KIFC2: variants seen among roughly 807,000 people sequenced by gnomAD.
The protein encoded by KIFC2 is kinesin family member C2.
In KIFC2, 94 loss-of-function variants were observed where a neutral mutation model predicts 91.5. That is an observed-to-expected ratio of 1.03 (90% confidence interval 0.87 to 1.22). KIFC2 has a LOEUF of 1.22. Among genes scored for constraint, KIFC2 ranks in the 50% most tolerant of loss-of-function variants. KIFC2 has a pLI of 0.00. For synonymous variants in KIFC2, 729 were observed against 503.9 expected (o/e 1.45, Z -5.98); for missense variants, 1,357 against 1,103.3 (o/e 1.23, Z -3.26).
At position 144,473,386 on chromosome 8, in the gene KIFC2, C is replaced by T. The variant is rs543626375; in HGVS notation, c.2373C>T (p.Leu791=). ...TCGCGCCCGCAGAGGGCCTGCCCCT[C>T]TAGTCCTGGGTCGCGGCCCTGCCCA... is the stretch of plus-strand genomic sequence containing the variant. ...SALAPAEGLP[L] Residue 791 remains leucine (L), a synonymous_variant, in exon 18 of 18, where the codon CTC becomes CTT. Transcript: ENST00000645548. 17 of 1,578,276 alleles carry T rather than the reference C, an allele frequency of 1.1e-5. No homozygotes were observed. Among genetic ancestry groups the T allele is most frequent in the Non-Finnish European group, 1.4e-5 (16 of 1,167,052 alleles).
At chr8:144,468,057 G>A in intron 7 of KIFC2, 70 bp downstream of exon 7, 1 of 1,464,930 alleles carries the variant, frequency 6.8e-7, no homozygotes, top group Non-Finnish European at 9.0e-7. Flanking sequence ...GCAGCCACAG[G>A]GCCCGAGCCT....
intron 12 of KIFC2, chr8:144,470,498 A>G (rs1214959140): frequency 6.6e-6 from 1 of 152,316 alleles, no homozygotes; most frequent in Non-Finnish European, 1.5e-5. Context: ...TGTCATCCTC[A>G]GTGCCACCTC....
chr8:144,468,136 C>G lies in KIFC2; in HGVS notation c.810+149C>G, dbSNP rs371674657. The G allele has an allele frequency of 9.6e-6, 11 of 1,149,648 alleles. No individual in the cohort carries two copies. The African/African-American group carries it at 1.6e-4, about 16-fold the overall frequency. 71.2% of individuals were successfully genotyped at this position (1,149,648 alleles called of 1,614,324 possible). A position where few individuals can be genotyped will look rare whatever the true frequency, so the allele number is the denominator to read the frequency against. ...GGGAGGCTGATGCCAATGGGAAGACCCCCCTCTCCGTGGCCCCTCTGAGTG... is the reference window on the plus strand; with the variant it reads ...GGGAGGCTGATGCCAATGGGAAGACGCCCCTCTCCGTGGCCCCTCTGAGTG... On this transcript the variant is annotated intron_variant, in intron 7 of 17. Coordinates refer to ENST00000645548, the MANE Select transcript of KIFC2 (RefSeq NM_001369769.2).
chr8:144,467,954 C>G lies in KIFC2; in HGVS notation c.777C>G (p.His259Gln), dbSNP rs374282669. 7 of 1,594,262 alleles carry G rather than the reference C, an allele frequency of 4.4e-6. No homozygotes were observed. The South Asian group carries it at 7.9e-5, about 18-fold the overall frequency. ...GTCTCATGCGGGACCTCCTGCTGCA[C>G]TGGGGCCCCGGGCCCCCCATCAGGG... is the stretch of plus-strand genomic sequence containing the variant. Reference protein sequence around the residue: ...SLSLMRDLLLHWGPGPPIRAP... With the variant: ...SLSLMRDLLLQWGPGPPIRAP... Residue 259 changes from histidine to glutamine, a missense_variant, in exon 7 of 18, where the codon CAC (histidine) becomes CAG (glutamine). Transcript: ENST00000645548.
Position 144,467,985 on chromosome 8 carries a change from C to T in KIFC2, c.808C>T (p.Gln270Ter). The change falls in exon 7 of 18, where the codon CAG becomes TAG. Residue 270 changes from glutamine to a stop codon, truncating the protein, a stop_gained and splice_region_variant. Transcript: ENST00000645548. LOFTEE classifies it high-confidence loss of function. Reference sequence around the variant, plus strand: ...CCCCGGGCCCCCCATCAGGGCTCCGCAGGTACTCTGCTCCCGAGCTGCAGC... The same window carrying T: ...CCCCGGGCCCCCCATCAGGGCTCCGTAGGTACTCTGCTCCCGAGCTGCAGC... ...WGPGPPIRAPQEEAEALLELQ... is the reference protein window; with the variant it reads ...WGPGPPIRAP 1 of 1,552,484 alleles carries T rather than the reference C, an allele frequency of 6.4e-7. No individual in the cohort carries two copies. Among genetic ancestry groups the T allele is most frequent in the Non-Finnish European group, 8.6e-7 (1 of 1,156,234 alleles).
chr8:144,473,046 C>T lies in KIFC2; in HGVS notation c.2113C>T (p.Leu705=). 2 of 1,421,736 alleles carry T rather than the reference C, an allele frequency of 1.4e-6. No homozygotes were observed. The highest frequency in any genetic ancestry group is 1.8e-6 in the Non-Finnish European group (2 of 1,094,450). The allele number at this position is 1,421,736 out of a possible 1,614,324, so 88.1% of individuals were successfully genotyped here. ...CCCAGGCACCACCGCGGTGCTGCTG[C>T]TGCAGGTGGGCGCCGGGGCGGGGCA... ...LGPGTTAVLL[L]QISTRPEDLG... Residue 705 remains leucine (L), a synonymous_variant, in exon 17 of 18, where the codon CTG becomes TTG. Coordinates refer to ENST00000645548, the MANE Select transcript of KIFC2 (RefSeq NM_001369769.2).
rs201640067 is a variant in KIFC2 at position 144,467,470 on chromosome 8, C to T, written c.470-15C>T. On this transcript the variant is annotated splice_polypyrimidine_tract_variant and intron_variant, in intron 4 of 17. Coordinates refer to ENST00000645548, the MANE Select transcript of KIFC2 (RefSeq NM_001369769.2). ...AGAGACCTCTTCAGTGCTAACTGGG[C>T]CCACCCTACTCCAGGATCCACATCC... The T allele has an allele frequency of 1.9e-4, 302 of 1,551,258 alleles. No homozygotes were observed. In the African/African-American group the frequency reaches 3.2e-3, roughly 16 times the overall value.
chr8:144,468,104 C>T, intron 7 of KIFC2, 117 bp downstream of exon 7: 1 of 1,337,726 alleles, frequency 7.5e-7, no homozygotes, highest in South Asian at 1.5e-5. Context: ...GTAGGGCAGC[C>T]CCATCAGGGA....
rs767964206 is a variant in KIFC2 at position 144,467,515 on chromosome 8, A to G, written c.500A>G (p.His167Arg). Residue 167 changes from histidine to arginine, a missense_variant, in exon 5 of 18, where the codon CAC (histidine) becomes CGC (arginine). His to Arg is a conservative substitution (Grantham distance 29). Coordinates refer to ENST00000645548, the MANE Select transcript of KIFC2 (RefSeq NM_001369769.2). ...ACATCCCAAGAAGAAAGCCCTTCCCACTTCACCGCAGTCCCAGGCGAGCCA... is the reference window on the plus strand; with the variant it reads ...ACATCCCAAGAAGAAAGCCCTTCCCGCTTCACCGCAGTCCCAGGCGAGCCA... ...GSTSQEESPS[H>R]FTAVPGEPLG... 1.9e-6 allele frequency: 3 copies of G among 1,589,666 alleles called. No individual in the cohort carries two copies. The highest frequency in any genetic ancestry group is 1.1e-5 in the South Asian group (1 of 87,204).
chr8:144,468,253 C>T (rs946744033), intron 7 of KIFC2, 76 bp from the exon 8 acceptor site: 14 of 1,370,408 alleles, frequency 1.0e-5, no homozygotes, highest in African/African-American at 5.7e-5. Flanking sequence ...CACCTCTTGA[C>T]TTGACTTTCC....
In KIFC2 at chr8:144,473,587, G is replaced by A; in HGVS notation, c.*198G>A. On this transcript the variant is annotated 3_prime_UTR_variant, in exon 18 of 18. Coordinates refer to ENST00000645548, the MANE Select transcript of KIFC2 (RefSeq NM_001369769.2). ...GTGCCTGCTGAAGTGATCACCCCCC[G>A]CCCCCAGCCCTGCATCAGGCCACAG... The A allele has an allele frequency of 1.4e-6, 1 of 699,324 alleles. No homozygotes were observed. The highest frequency in any genetic ancestry group is 2.4e-5 in the South Asian group (1 of 40,898). The allele number at this position is 699,324 out of a possible 1,614,324, so 43.3% of individuals were successfully genotyped here.
rs201279472 is a variant in KIFC2 at position 144,467,330 on chromosome 8, C to T, written c.458C>T (p.Pro153Leu). Residue 153 changes from proline (P) to leucine (L), a missense_variant, in exon 4 of 18, where the codon CCC becomes CTC. By Grantham distance (98) the Pro-to-Leu change is moderately conservative. Transcript: ENST00000645548. ...GTQPAPRVRP[P>L]SPDGSTSQEE... ...CAGCCAGCCCCTCGGGTCCGGCCCC[C>T]CTCTCCAGATGGTGAGTAAAGGACA... is the stretch of plus-strand genomic sequence containing the variant. The T allele has an allele frequency of 3.1e-6, 5 of 1,607,906 alleles. No individual in the cohort carries two copies. Among genetic ancestry groups the T allele is most frequent in the South Asian group, 1.1e-5 (1 of 90,384 alleles).
At chr8:144,468,897 G>A in intron 10 of KIFC2, 63 bp downstream of exon 10, 3 of 1,398,602 alleles carry the variant, frequency 2.1e-6, no homozygotes, top group South Asian at 1.2e-5. Context: ...TCTTTTGACG[G>A]GGGCGTTCCT....
At position 144,467,976 on chromosome 8, in the gene KIFC2, A is replaced by C. The variant is rs781556262; in HGVS notation, c.799A>C (p.Arg267=). The C allele has an allele frequency of 1.1e-5, 17 of 1,564,834 alleles. No individual in the cohort carries two copies. Among genetic ancestry groups the C allele is most frequent in the Non-Finnish European group, 1.5e-5 (17 of 1,161,762 alleles). ...GCACTGGGGCCCCGGGCCCCCCATC[A>C]GGGCTCCGCAGGTACTCTGCTCCCG... ...LLHWGPGPPI[R]APQEEAEALL... The change falls in exon 7 of 18, where the codon AGG becomes CGG. Residue 267 remains arginine, a synonymous_variant. Coordinates refer to ENST00000645548, the MANE Select transcript of KIFC2 (RefSeq NM_001369769.2).
At position 144,467,883 on chromosome 8, in the gene KIFC2, G is replaced by A; in HGVS notation, c.706G>A (p.Val236Ile). 1 of 1,613,452 alleles carries A rather than the reference G, an allele frequency of 6.2e-7. No homozygotes were observed. Among genetic ancestry groups the A allele is most frequent in the Non-Finnish European group, 8.5e-7 (1 of 1,179,796 alleles). The change falls in exon 7 of 18, where the codon GTT becomes ATT. Residue 236 changes from valine to isoleucine, a missense_variant. Physicochemically the swap from Val to Ile is conservative, Grantham distance 29. Transcript: ENST00000645548. ...GVGATDSEKRVQHLTLENEAL... is the reference protein window; with the variant it reads ...GVGATDSEKRIQHLTLENEAL... ...GGGGGCGACGGACTCAGAGAAAAGG[G>A]TTCAGCATCTGACTCTGGAGAACGA...
chr8:144,472,476 T>C lies in KIFC2; in HGVS notation c.1723T>C (p.Leu575=), dbSNP rs781599303. ...CTGGGACGTGCCCAACCTGGAGACA[T>C]TGCACCAGGTAGGGCTGCACCGCTC... ...THWDVPNLET[L]HQMLKLGRSN... The change falls in exon 15 of 18, where the codon TTG becomes CTG. Residue 575 remains leucine (L), a synonymous_variant. Coordinates refer to ENST00000645548, the MANE Select transcript of KIFC2 (RefSeq NM_001369769.2). 2 of 1,611,604 alleles carry C rather than the reference T, an allele frequency of 1.2e-6. No individual in the cohort carries two copies. The highest frequency in any genetic ancestry group is 1.1e-5 in the South Asian group (1 of 91,004).
intron 12 of KIFC2, among the ~76,000 whole-genome samples, chr8:144,471,152 CAG>C (rs10577372): frequency 0.46 from 69,009 of 151,580 alleles, 16,248 homozygotes; most frequent in South Asian, 0.57. Context: ...TTAGTAGAGA[CAG>C]GGGTTTCACC....
rs766229406 is a variant in KIFC2 at position 144,469,581 on chromosome 8, C to G, written c.1314C>G (p.Cys438Trp). 6.2e-7 allele frequency: 1 copy of G among 1,613,130 alleles called. No homozygotes were observed. Among genetic ancestry groups the G allele is most frequent in the Non-Finnish European group, 8.5e-7 (1 of 1,179,764 alleles). ...GCCCAGGGGGCACCGTCACCACCTG[C>G]TACCGGGGGCGCCATCGTCGATTCC... is the stretch of plus-strand genomic sequence containing the variant. ...EPGPGGTVTT[C>W]YRGRHRRFRL... The change falls in exon 12 of 18, where the codon TGC (cysteine) becomes TGG (tryptophan). Residue 438 changes from cysteine (C) to tryptophan (W), a missense_variant. Coordinates refer to ENST00000645548, the MANE Select transcript of KIFC2 (RefSeq NM_001369769.2).
chr8:144,468,720 T>G lies in KIFC2; in HGVS notation c.1004-5T>G. On this transcript the variant is annotated splice_region_variant and splice_polypyrimidine_tract_variant and intron_variant, in intron 9 of 17. Coordinates refer to ENST00000645548, the MANE Select transcript of KIFC2 (RefSeq NM_001369769.2). ...CCTTCCCTTCCAACAGACTTCCCTC[T>G]CCAGGACTTCGGGCACGGATGGCCA... The G allele has an allele frequency of 6.2e-7, 1 of 1,613,996 alleles. No homozygotes were observed. Among genetic ancestry groups the G allele is most frequent in the Non-Finnish European group, 8.5e-7 (1 of 1,179,974 alleles).
Sources: gnomAD v4.1 joint callset for allele counts (sites outside exome capture counted in the v4.1 genomes callset) on GRCh38, gnomAD v4.1.1 for gene constraint, MANE v1.5 for transcripts, NCBI Gene and HGNC (gene_info 2026-07-23, HGNC 2026-07-21) for gene names.